SNRK: variants seen among roughly 807,000 people sequenced by gnomAD.
SNRK encodes the protein SNF-related serine/threonine-protein kinase.
SNRK carries 3 observed loss-of-function variants against 48.2 expected under a neutral mutation model. The ratio of observed to expected loss-of-function variants is 0.06; its 90% CI spans 0.03 to 0.16. The LOEUF is 0.16. Ranked by LOEUF, SNRK falls within the 10% of genes least tolerant of loss-of-function variation. The pLI is 1.00. For missense variants in SNRK, 627 were observed against 976.0 expected (o/e 0.64, Z 4.76); for synonymous variants, 376 against 366.1 (o/e 1.03, Z -0.31).
rs1386089126 is a variant in SNRK at position 43,350,256 on chromosome 3, T to C, written c.*1699T>C. 6.6e-6 allele frequency: 1 copy of C among 152,644 alleles called. No homozygotes were observed. Among genetic ancestry groups the C allele is most frequent in the Non-Finnish European group, 1.5e-5 (1 of 68,044 alleles). 9.5% of individuals were successfully genotyped at this position (152,644 alleles called of 1,614,324 possible). A position where few individuals can be genotyped will look rare whatever the true frequency, so the allele number is the denominator to read the frequency against. ...TGTGTGGGTGAAGCCATAGAACATA[T>C]TTGCTTGAAATTCTTGAGCAGGGAT... On this transcript the variant is annotated 3_prime_UTR_variant, in exon 7 of 7. Coordinates refer to ENST00000296088, the MANE Select transcript of SNRK (RefSeq NM_017719.5).
intron 3 of SNRK, among the ~76,000 whole-genome samples, chr3:43,310,488 C>T (rs1178843908): frequency 6.6e-6 from 1 of 151,998 alleles, no homozygotes; most frequent in African/African-American, 2.4e-5. Flanking sequence ...GTAATAAATA[C>T]TTACTTTTTA....
rs536060263 is a variant in SNRK at position 43,323,349 on chromosome 3, A to G, written c.590-8820A>G. 2.6e-5 allele frequency among the ~76,000 whole-genome samples: 4 copies of G among 152,362 alleles called. No individual in the cohort carries two copies. In the South Asian group the frequency reaches 6.2e-4, roughly 24 times the overall value. The stretch of plus-strand genomic sequence containing the variant: ...AATAATTCACCAGAAAAGACATAAT[A>G]TGGCATATAAGCACATGCAGATGTT... On this transcript the variant is annotated intron_variant, in intron 3 of 6. Coordinates refer to ENST00000296088, the MANE Select transcript of SNRK (RefSeq NM_017719.5).
At chr3:43,336,285 TTGCTCTCTCCCTCC>T (rs2091187852) in intron 4 of SNRK, among the ~76,000 whole-genome samples, 1 of 18,390 alleles carries the variant, frequency 5.4e-5, no homozygotes, top group Non-Finnish European at 1.7e-3. Flanking sequence ...CCTCTCTCCC[TTGCTCTCTCCCTCC>T]CTTGCTCTCT....
intron 3 of SNRK, among the ~76,000 whole-genome samples, chr3:43,318,932 G>A (rs2091032953): frequency 6.6e-6 from 1 of 152,014 alleles, no homozygotes. Flanking sequence ...GGAGGCTGAG[G>A]CAGGAGAATG....
intron 3 of SNRK, among the ~76,000 whole-genome samples, chr3:43,323,971 AAC>A (rs1406942673): frequency 6.6e-6 from 1 of 152,182 alleles, no homozygotes; most frequent in African/African-American, 2.4e-5. Flanking sequence ...ATTTTGGGGT[AAC>A]ACAGCTGCTC....
chr3:43,343,324 T>G lies in SNRK; in HGVS notation c.945-20T>G, dbSNP rs772560325. 6.3e-7 allele frequency: 1 copy of G among 1,585,968 alleles called. No homozygotes were observed. Among genetic ancestry groups the G allele is most frequent in the African/African-American group, 1.4e-5 (1 of 73,150 alleles). ...ACCTCCTGATATGGCTGACGTTTGC[T>G]CTCACCTTGTTTTCCTCAGAGCCCT... is the stretch of plus-strand genomic sequence containing the variant. On this transcript the variant is annotated intron_variant, in intron 5 of 6. Transcript: ENST00000296088.
In SNRK at chr3:43,348,400, C is replaced by T. The variant is rs1189835869; in HGVS notation, c.2141C>T (p.Thr714Ile). Residue 714 changes from threonine to isoleucine, a missense_variant, in exon 7 of 7, where the codon ACC becomes ATC. Around this residue, in one of 4 missense-constraint regions of SNRK, gnomAD observed 207 missense variants for 234.3 expected, o/e 0.88. Coordinates refer to ENST00000296088, the MANE Select transcript of SNRK (RefSeq NM_017719.5). ...TTTTTCTCTGACCACATGGCAGATA[C>T]CACCACTGAATTGGAACGGATAAAG... ...IKFFSDHMAD[T>I]TTELERIKSK... The T allele has an allele frequency of 6.2e-7, 1 of 1,611,352 alleles. No individual in the cohort carries two copies.
At chr3:43,305,762 G>A (rs956743795) in intron 3 of SNRK, among the ~76,000 whole-genome samples, 1 of 152,112 alleles carries the variant, frequency 6.6e-6, no homozygotes, top group African/African-American at 2.4e-5. Flanking sequence ...TGGGATTACA[G>A]GCATGAGCCA....
chr3:43,288,650 A>G (rs575055561), intron 1 of SNRK, among the ~76,000 whole-genome samples: 2 of 152,318 alleles, frequency 1.3e-5, no homozygotes, highest in Admixed American at 1.3e-4. Flanking sequence ...TATAAATAAG[A>G]CATGATTTCT....
chr3:43,334,295 A>G, intron 4 of SNRK, among the ~76,000 whole-genome samples: 1 of 152,056 alleles, frequency 6.6e-6, no homozygotes, highest in Non-Finnish European at 1.5e-5. Flanking sequence ...TACTAAACAA[A>G]CAAGCAAAAA....
Position 43,340,428 on chromosome 3 carries a change from G to T in SNRK, c.873G>T (p.Ser291=). ...CCCTTGTGTCATACAAAAATCTCTC[G>T]GAAGAGGAGCACAACAGCATCATTC... ...NIPLVSYKNL[S]EEEHNSIIQR... The change falls in exon 5 of 7, where the codon TCG becomes TCT. Residue 291 remains serine (S), a synonymous_variant. Coordinates refer to ENST00000296088, the MANE Select transcript of SNRK (RefSeq NM_017719.5). The T allele has an allele frequency of 1.9e-6, 3 of 1,614,134 alleles. No individual in the cohort carries two copies. The highest frequency in any genetic ancestry group is 2.2e-5 in the East Asian group (1 of 44,878).
intron 3 of SNRK, among the ~76,000 whole-genome samples, chr3:43,316,398 C>T (rs1482422365): frequency 6.6e-6 from 1 of 151,904 alleles, no homozygotes; most frequent in Non-Finnish European, 1.5e-5. Flanking sequence ...GATTGTGATT[C>T]ACATTGACTT....
chr3:43,320,728 C>T (rs1268297105), intron 3 of SNRK, among the ~76,000 whole-genome samples: 1 of 151,898 alleles, frequency 6.6e-6, no homozygotes, highest in Non-Finnish European at 1.5e-5. Context: ...CCAAAAAAGC[C>T]TGTTTATTAG....
Position 43,348,354 on chromosome 3 carries a change from C to G in SNRK, c.2095C>G (p.Pro699Ala), listed in dbSNP as rs1378552411. The change falls in exon 7 of 7, where the codon CCT (proline) becomes GCT (alanine). Residue 699 changes from proline to alanine, a missense_variant. By Grantham distance (27) the Pro-to-Ala change is conservative. This residue lies in a region of SNRK where 207 missense variants were observed against 234.3 expected (regional missense o/e 0.88). Transcript: ENST00000296088. ...ISSTGNAGQV[P>A]AVGGIKFFSD... ...CTCCACAGGGAATGCAGGGCAGGTC[C>G]CTGCAGTGGGCGGCATAAAGTTTTT... 4 of 1,609,012 alleles carry G rather than the reference C, an allele frequency of 2.5e-6. No homozygotes were observed. Among genetic ancestry groups the G allele is most frequent in the Non-Finnish European group, 3.4e-6 (4 of 1,177,758 alleles).
At position 43,292,362 on chromosome 3, in the gene SNRK, CCT is replaced by C. The variant is rs1206125229; in HGVS notation, c.-169+5690_-169+5691del. ...TTCATGTTAATATGTAAAGGATTTT[CCT>C]CTTTCATTGAGGCTCTTTGATGAGA... On this transcript the variant is annotated intron_variant, in intron 1 of 6. Transcript: ENST00000296088. Among the ~76,000 whole-genome samples the C allele has an allele frequency of 8.5e-5, 13 of 152,276 alleles. No individual in the cohort carries two copies. In the East Asian group the frequency reaches 2.5e-3, roughly 29 times the overall value.
At chr3:43,342,529 T>C (rs2091244995) in intron 5 of SNRK, among the ~76,000 whole-genome samples, 1 of 152,246 alleles carries the variant, frequency 6.6e-6, no homozygotes, top group Non-Finnish European at 1.5e-5. Flanking sequence ...TGAAAAATGG[T>C]GTCTCTTGCT....
In SNRK at chr3:43,348,261, C is replaced by T; in HGVS notation, c.2002C>T (p.Pro668Ser). The T allele has an allele frequency of 1.2e-6, 2 of 1,614,120 alleles. No homozygotes were observed. The highest frequency in any genetic ancestry group is 1.7e-6 in the Non-Finnish European group (2 of 1,179,990). ...LHGSTKYIID[P>S]QNGLSFSSVK... ...TGGGAGCACCAAGTACATTATTGAT[C>T]CACAGAATGGCTTGTCATTTTCCAG... The change falls in exon 7 of 7, where the codon CCA becomes TCA. Residue 668 changes from proline to serine, a missense_variant. Physicochemically the swap from Pro to Ser is moderately conservative, Grantham distance 74 (BLOSUM62 -1). Around this residue, in one of 4 missense-constraint regions of SNRK, gnomAD observed 207 missense variants for 234.3 expected, o/e 0.88. Coordinates refer to ENST00000296088, the MANE Select transcript of SNRK (RefSeq NM_017719.5).
intron 3 of SNRK, among the ~76,000 whole-genome samples, chr3:43,321,104 A>G (rs1218431044): frequency 6.6e-6 from 1 of 152,102 alleles, no homozygotes; most frequent in Non-Finnish European, 1.5e-5. Context: ...AGGCTGTATT[A>G]TCAGTGTCAG....
In SNRK at chr3:43,350,306, G is replaced by T. The variant is rs1453035166; in HGVS notation, c.*1749G>T. On this transcript the variant is annotated 3_prime_UTR_variant, in exon 7 of 7. Coordinates refer to ENST00000296088, the MANE Select transcript of SNRK (RefSeq NM_017719.5). ...TCTTATAAAGGGCCAGAAATAAGATGTGTGGTTCACATAGATAGTGAGCGT... is the reference window on the plus strand; with the variant it reads ...TCTTATAAAGGGCCAGAAATAAGATTTGTGGTTCACATAGATAGTGAGCGT... 3 of 152,636 alleles carry T rather than the reference G, an allele frequency of 2.0e-5. No individual in the cohort carries two copies. The highest frequency in any genetic ancestry group is 7.2e-5 in the African/African-American group (3 of 41,452). The allele number at this position is 152,636 out of a possible 1,614,324, so 9.5% of individuals were successfully genotyped here. A position where few individuals can be genotyped will look rare whatever the true frequency, so the allele number is the denominator to read the frequency against.
Sources: allele counts gnomAD v4.1 joint callset (sites outside exome capture counted in the v4.1 genomes callset), GRCh38; gene constraint gnomAD v4.1.1; regional missense constraint gnomAD v4.1.1; transcripts MANE v1.5; gene names NCBI Gene and HGNC (gene_info 2026-07-23, HGNC 2026-07-21).